SETX: variants seen among roughly 807,000 people sequenced by gnomAD.
The protein encoded by SETX is helicase senataxin.
A neutral mutation model predicts 227.2 loss-of-function variants in SETX; 90 were observed. The observed-to-expected ratio is 0.40, with a 90% CI of 0.33 to 0.47. The LOEUF (loss-of-function observed/expected upper bound fraction) is 0.47. Among genes scored for constraint, SETX ranks in the 20% least tolerant of loss-of-function variants. The pLI is 0.91. For synonymous variants in SETX, 1,210 were observed against 1,113.2 expected (o/e 1.09, Z -1.73); for missense variants, 3,052 against 3,181.5 (o/e 0.96, Z 0.98).
Position 132,263,913 on chromosome 9 carries a change from G to C in SETX, c.*326C>G, listed in dbSNP as rs1159591956. ...CTAGATTAAATTTTAAAAGGATTTT[G>C]TTATTTGCTATACAAATATACATTT... On this transcript the variant is annotated 3_prime_UTR_variant, in exon 26 of 26. Transcript: ENST00000224140. The C allele has an allele frequency of 3.5e-6, 1 of 283,380 alleles. No individual in the cohort carries two copies. Among genetic ancestry groups the C allele is most frequent in the East Asian group, 7.7e-5 (1 of 12,982 alleles). The allele number at this position is 283,380 out of a possible 1,614,324, so 17.6% of individuals were successfully genotyped here.
Position 132,328,894 on chromosome 9 carries a change from T to C in SETX, c.2704A>G (p.Met902Val). The change falls in exon 10 of 26, where the codon ATG becomes GTG. Residue 902 changes from methionine to valine, a missense_variant. Met to Val is a conservative substitution (Grantham distance 21). Coordinates refer to ENST00000224140, the MANE Select transcript of SETX (RefSeq NM_015046.7). ...DGKELIPFTE[M>V]TNASEKKSSP... ...GATTTCTTCTCTGAAGCATTGGTCA[T>C]TTCTGTAAAAGGGATCAATTCTTTA... is the stretch of plus-strand genomic sequence containing the variant. The C allele has an allele frequency of 6.2e-7, 1 of 1,614,018 alleles. No individual in the cohort carries two copies. Among genetic ancestry groups the C allele is most frequent in the Non-Finnish European group, 8.5e-7 (1 of 1,179,982 alleles).
intron 25 of SETX, 21 bp downstream of exon 25, chr9:132,269,594 T>A: frequency 6.2e-7 from 1 of 1,613,770 alleles, no homozygotes. Flanking sequence ...TGGGTAAACT[T>A]CTGAGCTCTC....
Position 132,328,162 on chromosome 9 carries a change from TC to T in SETX, c.3435del (p.Ser1146ValfsTer12). On this transcript the variant is annotated frameshift_variant, in exon 10 of 26. Transcript: ENST00000224140. LOFTEE classifies it high-confidence loss of function. ...TCACAAAATTCTTCAACAGAAATAC[TC>T]CGTGGTCTTGTGTGTTCTTCAATGC... The part of the protein sequence containing the change: ...AEGIEEHTRP[R>X]SISVEEFCEI... The T allele has an allele frequency of 1.9e-6, 3 of 1,614,218 alleles. No individual in the cohort carries two copies. The highest frequency in any genetic ancestry group is 2.5e-6 in the Non-Finnish European group (3 of 1,180,030).
chr9:132,326,933 A>C lies in SETX; in HGVS notation c.4665T>G (p.Leu1555=). Reference sequence around the variant, plus strand: ...ATTCACCCTGGTTTTTTGTGGTTTCAAGACAATCTTTGTACTTACACTTTG... The same window carrying C: ...ATTCACCCTGGTTTTTTGTGGTTTCCAGACAATCTTTGTACTTACACTTTG... The part of the protein sequence containing the change: ...SGTKCKYKDC[L]ETTKNQGEYC... Residue 1555 remains leucine (L), a synonymous_variant, in exon 10 of 26, where the codon CTT becomes CTG. Coordinates refer to ENST00000224140, the MANE Select transcript of SETX (RefSeq NM_015046.7). 3 of 1,614,214 alleles carry C rather than the reference A, an allele frequency of 1.9e-6. No homozygotes were observed. The highest frequency in any genetic ancestry group is 2.5e-6 in the Non-Finnish European group (3 of 1,180,038).
In SETX at chr9:132,329,152, T is replaced by C. The variant is rs369470593; in HGVS notation, c.2446A>G (p.Thr816Ala). Residue 816 changes from threonine to alanine, a missense_variant, in exon 10 of 26, where the codon ACT becomes GCT. Transcript: ENST00000224140. ...TAGAAACTCTCAATGTTAGATACAG[T>C]CAAATTTTCATCTAAATTGATAGTA... ...DNTINLDENL[T>A]VSNIESFYSR... 3.9e-5 allele frequency: 63 copies of C among 1,611,666 alleles called. No homozygotes were observed. The African/African-American group carries it at 7.5e-4, about 19-fold the overall frequency.
chr9:132,288,714 C>T (rs933908592), intron 15 of SETX, 63 bp from the exon 16 acceptor site: 2 of 1,035,600 alleles, frequency 1.9e-6, no homozygotes, highest in East Asian at 2.4e-5. Context: ...TGTCTCTATA[C>T]ATAGTATCTA....
intron 7 of SETX, among the ~76,000 whole-genome samples, chr9:132,334,188 G>A (rs1847443559): frequency 6.6e-6 from 1 of 152,204 alleles, no homozygotes; most frequent in African/African-American, 2.4e-5. Flanking sequence ...TCTCATGCCT[G>A]TAATCCCAGC....
upstream of SETX, among the ~76,000 whole-genome samples, chr9:132,355,445 A>G (rs567532788): frequency 2.2e-4 from 34 of 152,386 alleles, 1 homozygote; most frequent in South Asian, 7.0e-3. Context: ...AATGTAAATT[A>G]CATAAACGTG....
At chr9:132,292,839 G>A (rs1238075397) in intron 15 of SETX, among the ~76,000 whole-genome samples, 5 of 152,022 alleles carry the variant, frequency 3.3e-5, no homozygotes, top group African/African-American at 7.3e-5. Context: ...GGGTTTCACC[G>A]TGTTAGCCAG....
chr9:132,277,789 CAA>C (rs372125008), intron 21 of SETX, among the ~76,000 whole-genome samples: 1 of 68,092 alleles, frequency 1.5e-5, no homozygotes, highest in Non-Finnish European at 3.0e-5. Context: ...ACCCTGTCTT[CAA>C]AAAAAAAAAA....
chr9:132,354,864 GC>G (rs1278991926), intron 1 of SETX, 52 bp downstream of exon 1: 1 of 152,418 alleles, frequency 6.6e-6, no homozygotes, highest in Non-Finnish European at 1.5e-5. Context: ...CACAAGCCGC[GC>G]CTGCGCTCAC....
At chr9:132,322,998 G>A (rs980108246) in intron 10 of SETX, among the ~76,000 whole-genome samples, 2 of 152,034 alleles carry the variant, frequency 1.3e-5, no homozygotes, top group Non-Finnish European at 2.9e-5. Flanking sequence ...ATAACAAAAA[G>A]AAAATGAGAT....
chr9:132,347,718 C>A (rs546167507), intron 3 of SETX, among the ~76,000 whole-genome samples: 1 of 150,986 alleles, frequency 6.6e-6, no homozygotes, highest in Non-Finnish European at 1.5e-5. Context: ...AATGCAAAAC[C>A]GAGGCCCTTC....
At position 132,336,486 on chromosome 9, in the gene SETX, T is replaced by C. The variant is rs768277399; in HGVS notation, c.528A>G (p.Arg176=). The C allele has an allele frequency of 3.7e-6, 6 of 1,614,068 alleles. No individual in the cohort carries two copies. The African/African-American group carries it at 6.7e-5, about 18-fold the overall frequency. ...CATCTCTGTCCACTTTCCCCAAGTT[T>C]CTTGCAGTCAAGATAGCCCAACGCC... ...MVRRWAILTA[R]NLGKVDRDDY... Residue 176 remains arginine, a synonymous_variant, in exon 6 of 26, where the codon AGA becomes AGG. Coordinates refer to ENST00000224140, the MANE Select transcript of SETX (RefSeq NM_015046.7).
chr9:132,279,260 A>C lies in SETX; in HGVS notation c.6655-1003T>G, dbSNP rs181181193. 1.3e-4 allele frequency among the ~76,000 whole-genome samples: 20 copies of C among 152,326 alleles called. No individual in the cohort carries two copies. The East Asian group carries it at 3.3e-3, about 25-fold the overall frequency. On this transcript the variant is annotated intron_variant, in intron 20 of 25. Transcript: ENST00000224140. The stretch of plus-strand genomic sequence containing the variant: ...CTACTTTCCGATGGCAGCAACACAG[A>C]AAGTTTCAAAAAGGGGAGGGGGAGG...
At chr9:132,346,085 A>G (rs540044211) in intron 4 of SETX, among the ~76,000 whole-genome samples, 176 bp downstream of exon 4, 1 of 152,338 alleles carries the variant, frequency 6.6e-6, no homozygotes, top group African/African-American at 2.4e-5. Context: ...TGCCCCAAAA[A>G]TAGGTATTTT....
In SETX at chr9:132,327,127, C is replaced by T. The variant is rs1846847360; in HGVS notation, c.4471G>A (p.Ala1491Thr). ...GTTAAAAATAAGTTATCTTCCTCTG[C>T]ATCACTGCTGGAGTCAGGCTCTCCT... Reference protein sequence around the residue: ...KEGEPDSSSDAEEDNLFLTQN... With the variant: ...KEGEPDSSSDTEEDNLFLTQN... Residue 1491 changes from alanine to threonine, a missense_variant, in exon 10 of 26, where the codon GCA (alanine) becomes ACA (threonine). Coordinates refer to ENST00000224140, the MANE Select transcript of SETX (RefSeq NM_015046.7). 6.2e-7 allele frequency: 1 copy of T among 1,614,102 alleles called. No homozygotes were observed. Among genetic ancestry groups the T allele is most frequent in the African/African-American group, 1.3e-5 (1 of 74,952 alleles).
At chr9:132,333,910 CTTAAA>C (rs1240947631) in intron 7 of SETX, among the ~76,000 whole-genome samples, 5 of 151,984 alleles carry the variant, frequency 3.3e-5, no homozygotes, top group Non-Finnish European at 7.4e-5. Flanking sequence ...TTTTAATTGA[CTTAAA>C]TTTATTTTAA....
intron 20 of SETX, among the ~76,000 whole-genome samples, chr9:132,280,579 T>C (rs1300333007): frequency 6.6e-6 from 1 of 152,234 alleles, no homozygotes; most frequent in Non-Finnish European, 1.5e-5. Context: ...TGCACTATCA[T>C]TCTGAATAAT....
Sources: allele counts gnomAD v4.1 joint callset (sites outside exome capture counted in the v4.1 genomes callset), GRCh38; gene constraint gnomAD v4.1.1; transcripts MANE v1.5; gene names NCBI Gene and HGNC (gene_info 2026-07-23, HGNC 2026-07-21).